Variants in MYOF observed in about 807,000 individuals in gnomAD.
MYOF encodes myoferlin, also known as fer-1-like 3, myoferlin.
Under a neutral mutation model 284.2 loss-of-function variants are expected in MYOF, and 244 were observed. The ratio of observed to expected loss-of-function variants is 0.86; its 90% CI spans 0.77 to 0.95. The LOEUF is 0.95. MYOF is among the 40% of genes least tolerant of loss of function. The pLI is 0.00. For missense variants in MYOF, 2,496 were observed against 2,560.6 expected (o/e 0.97, Z 0.54); for synonymous variants, 904 against 919.7 (o/e 0.98, Z 0.31).
At chr10:93,442,996 T>TAA (rs201475317) in intron 3 of MYOF, among the ~76,000 whole-genome samples, 74 of 151,714 alleles carry the variant, frequency 4.9e-4, no homozygotes, top group Admixed American at 5.3e-4. Flanking sequence ...CCGTCTCTGG[T>TAA]AAAAAAAATA....
chr10:93,468,310 G>T (rs906890015), intron 1 of MYOF, among the ~76,000 whole-genome samples: 1 of 152,230 alleles, frequency 6.6e-6, no homozygotes, highest in Non-Finnish European at 1.5e-5. Context: ...AGGGCCTACA[G>T]TGCCTCTTAA....
In MYOF at chr10:93,389,043, A is replaced by G; in HGVS notation, c.1568T>C (p.Leu523Pro). 1 of 1,613,690 alleles carries G rather than the reference A, an allele frequency of 6.2e-7. No homozygotes were observed. Among genetic ancestry groups the G allele is most frequent in the Non-Finnish European group, 8.5e-7 (1 of 1,179,888 alleles). The change falls in exon 18 of 54, where the codon CTG becomes CCG. Residue 523 changes from leucine (L) to proline (P), a missense_variant. Around this residue, in one of 3 missense-constraint regions of MYOF, gnomAD observed 2,436 missense variants for 2,480.7 expected, o/e 0.98. Coordinates refer to ENST00000359263, the MANE Select transcript of MYOF (RefSeq NM_013451.4). Reference protein sequence around the residue: ...YTGFPDPYDELNTGKGEGVAY... With the variant: ...YTGFPDPYDEPNTGKGEGVAY... Reference sequence around the variant, plus strand: ...TGAGAAACCAACCTTTCCAGTATTCAGCTCATCATAGGGGTCTGGGAATCC... The same window carrying G: ...TGAGAAACCAACCTTTCCAGTATTCGGCTCATCATAGGGGTCTGGGAATCC...
intron 1 of MYOF, among the ~76,000 whole-genome samples, chr10:93,468,906 G>T (rs1257500998): frequency 6.6e-6 from 1 of 152,164 alleles, no homozygotes; most frequent in Non-Finnish European, 1.5e-5. Flanking sequence ...CAAGCACAAA[G>T]AAAACCAACC....
intron 3 of MYOF, among the ~76,000 whole-genome samples, chr10:93,435,292 G>A (rs978820139): frequency 5.3e-5 from 8 of 152,180 alleles, no homozygotes; most frequent in Admixed American, 5.2e-4. Flanking sequence ...AGTAGAAAGA[G>A]GGCCAGCCTG....
chr10:93,401,189 G>A (rs1041778370), intron 12 of MYOF, among the ~76,000 whole-genome samples: 3 of 152,128 alleles, frequency 2.0e-5, no homozygotes, highest in African/African-American at 7.2e-5. Flanking sequence ...AGTCAAATGG[G>A]CCAAAGGCAG....
At chr10:93,366,856 C>A (rs971163271) in intron 25 of MYOF, among the ~76,000 whole-genome samples, 1 of 152,108 alleles carries the variant, frequency 6.6e-6, no homozygotes, top group Non-Finnish European at 1.5e-5. Flanking sequence ...TTGTAAATAG[C>A]GATATAGCAT....
intron 17 of MYOF, among the ~76,000 whole-genome samples, chr10:93,392,109 A>T (rs1281891989): frequency 6.6e-6 from 1 of 152,258 alleles, no homozygotes; most frequent in Admixed American, 6.5e-5. Flanking sequence ...ACTACTTAAT[A>T]TTCATATAAA....
chr10:93,405,546 G>C lies in MYOF; in HGVS notation c.730-1327C>G, dbSNP rs1441588409. ...AGGCCTCAAGTGATCCTCCTGGCTT[G>C]GCCTCCCAAAGTACTGGGATTACAG... is the stretch of plus-strand genomic sequence containing the variant. On this transcript the variant is annotated intron_variant, in intron 7 of 53. Transcript: ENST00000359263. Among the ~76,000 whole-genome samples the C allele has an allele frequency of 2.6e-5, 4 of 152,112 alleles. No homozygotes were observed. The East Asian group carries it at 5.8e-4, about 22-fold the overall frequency.
chr10:93,307,285 T>C (rs924057004), intron 53 of MYOF, among the ~76,000 whole-genome samples: 1 of 151,948 alleles, frequency 6.6e-6, no homozygotes, highest in Non-Finnish European at 1.5e-5. Context: ...TGGGAACCAC[T>C]GGTTTATTTT....
In MYOF at chr10:93,445,079, T is replaced by C. The variant is rs2056390910; in HGVS notation, c.236+6971A>G. 3.9e-5 allele frequency among the ~76,000 whole-genome samples: 6 copies of C among 152,338 alleles called. No individual in the cohort carries two copies. The South Asian group carries it at 1.2e-3, about 32-fold the overall frequency. On this transcript the variant is annotated intron_variant, in intron 3 of 53. Transcript: ENST00000359263. ...TATAAAAGGTAGCAATACACTGATA[T>C]TGAGAATTAAATTTTTTTTTGTCAA...
chr10:93,381,995 C>T (rs1012138997), intron 19 of MYOF, among the ~76,000 whole-genome samples: 3 of 152,186 alleles, frequency 2.0e-5, no homozygotes, highest in African/African-American at 7.2e-5. Flanking sequence ...CGATATCGTG[C>T]CACTGCATCC....
chr10:93,361,798 T>TG (rs1222687970), intron 27 of MYOF, among the ~76,000 whole-genome samples: 4 of 152,224 alleles, frequency 2.6e-5, no homozygotes, highest in Non-Finnish European at 4.4e-5. Flanking sequence ...TTCAATCATG[T>TG]GAAATTGCTG....
chr10:93,457,822 C>T (rs1372479174), intron 1 of MYOF, among the ~76,000 whole-genome samples: 1 of 151,584 alleles, frequency 6.6e-6, no homozygotes, highest in Non-Finnish European at 1.5e-5. Context: ...CAACCTCTGC[C>T]TCCCAGCTCA....
At chr10:93,464,092 C>T (rs1589609960) in intron 1 of MYOF, among the ~76,000 whole-genome samples, 1 of 152,248 alleles carries the variant, frequency 6.6e-6, no homozygotes, top group East Asian at 1.9e-4. Flanking sequence ...AGCAAAATTA[C>T]CCTCTATAAT....
intron 25 of MYOF, among the ~76,000 whole-genome samples, chr10:93,367,902 T>C (rs1337622461): frequency 6.6e-6 from 1 of 152,160 alleles, no homozygotes; most frequent in Admixed American, 6.5e-5. Context: ...TTATTATTAA[T>C]GTGCCTCTGC....
intron 43 of MYOF, among the ~76,000 whole-genome samples, chr10:93,331,196 C>T (rs557154455): frequency 2.0e-5 from 3 of 152,116 alleles, no homozygotes; most frequent in Non-Finnish European, 4.4e-5. Context: ...GTAACGGCCA[C>T]GCACATAGGA....
chr10:93,376,522 G>A (rs1845842289), intron 22 of MYOF, among the ~76,000 whole-genome samples: 1 of 152,138 alleles, frequency 6.6e-6, no homozygotes, highest in African/African-American at 2.4e-5. Flanking sequence ...CACCCCAGCA[G>A]TACTTTGATT....
intron 50 of MYOF, 51 bp downstream of exon 50, chr10:93,316,663 C>T: frequency 6.7e-7 from 1 of 1,487,658 alleles, no homozygotes; most frequent in Non-Finnish European, 9.3e-7. Context: ...ATTGACCCCA[C>T]TAATTCCAAG....
At chr10:93,445,754 C>A (rs946686366) in intron 3 of MYOF, among the ~76,000 whole-genome samples, 1 of 152,192 alleles carries the variant, frequency 6.6e-6, no homozygotes, top group Non-Finnish European at 1.5e-5. Flanking sequence ...GGCCGGGGAG[C>A]AGCAGATGCA....
Sources: gnomAD v4.1 joint callset for allele counts (sites outside exome capture counted in the v4.1 genomes callset) on GRCh38, gnomAD v4.1.1 for gene constraint, gnomAD v4.1.1 regional missense constraint, MANE v1.5 for transcripts, NCBI Gene and HGNC (gene_info 2026-07-23, HGNC 2026-07-21) for gene names.